Variants in PGM5 observed in about 807,000 individuals in gnomAD.
PGM5 encodes phosphoglucomutase-like protein 5.
A neutral mutation model predicts 59.2 loss-of-function variants in PGM5; 23 were observed. The ratio of observed to expected loss-of-function variants is 0.39; its 90% CI spans 0.28 to 0.55. The LOEUF (loss-of-function observed/expected upper bound fraction) is 0.55. PGM5 is among the 20% of genes least tolerant of loss of function. The probability of loss-of-function intolerance (pLI) is 0.66; values close to 1 mark genes in which losing one functional copy is unlikely to be tolerated. For synonymous variants in PGM5, 214 were observed against 286.0 expected, an observed-to-expected ratio of 0.75 and a Z score of 2.54; for missense variants, 574 against 748.3, an observed-to-expected ratio of 0.77 and a Z score of 2.72.
At chr9:68,471,970 C>CA (rs35694675) in intron 7 of PGM5, among the ~76,000 whole-genome samples, 13,781 of 128,308 alleles carry the variant, frequency 0.11, 1,372 homozygotes, top group East Asian at 0.4. Flanking sequence ...GCCTTGGTGA[C>CA]AAAAAAAAAA....
intron 6 of PGM5, among the ~76,000 whole-genome samples, chr9:68,427,411 A>C (rs988957092): frequency 5.3e-5 from 8 of 152,226 alleles, no homozygotes; most frequent in African/African-American, 1.7e-4. Context: ...TGTCTGAGCC[A>C]GGATGTGAGA....
At chr9:68,447,419 GGAGA>G (rs146301142) in intron 6 of PGM5, among the ~76,000 whole-genome samples, 2 of 150,100 alleles carry the variant, frequency 1.3e-5, no homozygotes, top group East Asian at 1.9e-4. Context: ...GCTCGAGTTT[GGAGA>G]GAGAGAGAGA....
intron 9 of PGM5, among the ~76,000 whole-genome samples, chr9:68,484,783 G>A (rs1824267942): frequency 6.6e-6 from 1 of 152,110 alleles, no homozygotes; most frequent in Admixed American, 6.5e-5. Flanking sequence ...AAGAACTAAA[G>A]ATCCCTGTCC....
chr9:68,377,293 G>T (rs1554677877), intron 1 of PGM5, among the ~76,000 whole-genome samples: 1 of 152,074 alleles, frequency 6.6e-6, no homozygotes, highest in East Asian at 1.9e-4. Context: ...TAACAAGGGG[G>T]CTTTATTACT....
intron 6 of PGM5, among the ~76,000 whole-genome samples, chr9:68,436,014 A>G (rs1432911550): frequency 6.6e-6 from 1 of 152,186 alleles, no homozygotes; most frequent in Non-Finnish European, 1.5e-5. Flanking sequence ...CCTATATTAG[A>G]TATGGCCTGA....
chr9:68,479,353 A>G (rs1460863609), intron 7 of PGM5, 65 bp from the exon 8 acceptor site: 1 of 1,500,796 alleles, frequency 6.7e-7, no homozygotes, highest in Non-Finnish European at 9.0e-7. Context: ...GGTCTTCTTA[A>G]TTCATTTAGC....
At chr9:68,486,394 C>A (rs547591986) in intron 9 of PGM5, among the ~76,000 whole-genome samples, 6 of 152,242 alleles carry the variant, frequency 3.9e-5, no homozygotes, top group African/African-American at 1.2e-4. Context: ...TTCATCACCC[C>A]AGAAAAGAAA....
intron 6 of PGM5, among the ~76,000 whole-genome samples, chr9:68,434,627 C>T (rs1554683259): frequency 6.6e-6 from 1 of 152,086 alleles, no homozygotes; most frequent in Non-Finnish European, 1.5e-5. Context: ...GACAACATGA[C>T]AAAACCCATC....
At chr9:68,493,906 A>G (rs1824440785) in intron 9 of PGM5, among the ~76,000 whole-genome samples, 2 of 152,206 alleles carry the variant, frequency 1.3e-5, no homozygotes. Flanking sequence ...AAGGGTTATG[A>G]AATCCTTTAT....
At chr9:68,439,745 A>G (rs1413631224) in intron 6 of PGM5, among the ~76,000 whole-genome samples, 9 of 151,440 alleles carry the variant, frequency 5.9e-5, no homozygotes, top group Non-Finnish European at 5.9e-5. Flanking sequence ...TAGACATGGA[A>G]CGTGTATGGC....
At position 68,369,672 on chromosome 9, in the gene PGM5, T is replaced by C. The variant is rs530780746; in HGVS notation, c.262-8527T>C. Reference sequence around the variant, plus strand: ...ACAAGACTTGGGCCACACTTCTAGATGCCTGTGACTTTTCGGCACTTATTC... The same window carrying C: ...ACAAGACTTGGGCCACACTTCTAGACGCCTGTGACTTTTCGGCACTTATTC... On this transcript the variant is annotated intron_variant, in intron 1 of 10. Coordinates refer to ENST00000396396, the MANE Select transcript of PGM5 (RefSeq NM_021965.4). Among the ~76,000 whole-genome samples, 3 of 152,302 alleles carry C rather than the reference T, an allele frequency of 2.0e-5. No individual in the cohort carries two copies. The South Asian group carries it at 6.2e-4, about 32-fold the overall frequency.
At chr9:68,427,509 T>A (rs1554682766) in intron 6 of PGM5, among the ~76,000 whole-genome samples, 1 of 152,152 alleles carries the variant, frequency 6.6e-6, no homozygotes, top group East Asian at 1.9e-4. Flanking sequence ...TCCAGCATCA[T>A]AAGGCCACCT....
chr9:68,496,093 C>T (rs1554688129), intron 9 of PGM5, among the ~76,000 whole-genome samples: 1 of 151,130 alleles, frequency 6.6e-6, no homozygotes, highest in African/African-American at 2.5e-5. Flanking sequence ...CTACAGGCTA[C>T]ATAGTGCCAA....
At chr9:68,383,740 TA>T (rs61055122) in intron 2 of PGM5, among the ~76,000 whole-genome samples, 1,176 of 106,220 alleles carry the variant, frequency 0.011, 20 homozygotes, top group African/African-American at 0.032. Context: ...ATATACAAGG[TA>T]AAAAAAAAAA....
chr9:68,412,593 A>T (rs1399062204), intron 6 of PGM5, among the ~76,000 whole-genome samples: 2 of 152,140 alleles, frequency 1.3e-5, no homozygotes, highest in African/African-American at 2.4e-5. Context: ...GAATTTCTAG[A>T]TCATCTCAGG....
chr9:68,474,136 T>C (rs546949368), intron 7 of PGM5, among the ~76,000 whole-genome samples: 3 of 152,222 alleles, frequency 2.0e-5, no homozygotes, highest in Non-Finnish European at 4.4e-5. Context: ...CATTAAAAGT[T>C]TTTATTTTAT....
intron 9 of PGM5, among the ~76,000 whole-genome samples, chr9:68,495,957 T>C (rs1290011117): frequency 5.9e-5 from 9 of 152,304 alleles, no homozygotes; most frequent in African/African-American, 2.2e-4. Context: ...AGATGGTCTC[T>C]GCCACAACTA....
At chr9:68,501,744 T>C (rs1339644686) in intron 10 of PGM5, among the ~76,000 whole-genome samples, 2 of 152,224 alleles carry the variant, frequency 1.3e-5, no homozygotes, top group African/African-American at 4.8e-5. Context: ...CCAATAGCCA[T>C]CTACACTTAA....
intron 6 of PGM5, among the ~76,000 whole-genome samples, chr9:68,443,806 A>G (rs1203122751): frequency 1.3e-5 from 2 of 152,264 alleles, no homozygotes; most frequent in Non-Finnish European, 1.5e-5. Flanking sequence ...GTTTTGGCAG[A>G]AAGACCTCTT....
Sources: allele counts gnomAD v4.1 joint callset (sites outside exome capture counted in the v4.1 genomes callset), GRCh38; gene constraint gnomAD v4.1.1; transcripts MANE v1.5; gene names NCBI Gene and HGNC (gene_info 2026-07-23, HGNC 2026-07-21).